The following ADAMTS18 variants were observed in gnomAD, a reference collection of about 807,000 sequenced individuals.
ADAMTS18 encodes A disintegrin and metalloproteinase with thrombospondin motifs 18.
Under a neutral mutation model 165.9 loss-of-function variants are expected in ADAMTS18, and 157 were observed. The ratio of observed to expected loss-of-function variants is 0.95; its 90% confidence interval spans 0.83 to 1.08. The LOEUF is 1.08. ADAMTS18 is among the 50% of genes least tolerant of loss of function. The pLI, the probability that ADAMTS18 is intolerant of heterozygous loss-of-function variation, is 0.00. For missense variants in ADAMTS18, 2,040 were observed against 1,534.0 expected (o/e 1.33, Z -5.51); for synonymous variants, 782 against 578.2 (o/e 1.35, Z -5.06).
At chr16:77,309,621 A>G (rs955562008) in intron 16 of ADAMTS18, among the ~76,000 whole-genome samples, 4 of 152,250 alleles carry the variant, frequency 2.6e-5, no homozygotes, top group African/African-American at 4.8e-5. Context: ...AAGACATCCT[A>G]TAAAGTTTTG....
intron 22 of ADAMTS18, among the ~76,000 whole-genome samples, chr16:77,285,892 T>G (rs1455994087): frequency 6.6e-6 from 1 of 152,140 alleles, no homozygotes; most frequent in Non-Finnish European, 1.5e-5. Flanking sequence ...CCTGGCAGAG[T>G]TGACAAGTCC....
intron 10 of ADAMTS18, among the ~76,000 whole-genome samples, chr16:77,343,682 T>C (rs1411131763): frequency 6.6e-6 from 1 of 152,172 alleles, no homozygotes; most frequent in Non-Finnish European, 1.5e-5. Context: ...CACTGATGGA[T>C]ATTGGAAGGC....
intron 22 of ADAMTS18, among the ~76,000 whole-genome samples, chr16:77,286,786 G>A (rs143238807): frequency 1.2e-4 from 19 of 152,220 alleles, no homozygotes; most frequent in African/African-American, 4.1e-4. Context: ...TTCCAGACAC[G>A]TAAACACCCA....
intron 3 of ADAMTS18, among the ~76,000 whole-genome samples, chr16:77,415,407 G>C (rs904967167): frequency 5.9e-4 from 90 of 152,250 alleles, no homozygotes; most frequent in African/African-American, 2.0e-3. Context: ...TTAATTTCAG[G>C]CATAGCTGCA....
intron 4 of ADAMTS18, among the ~76,000 whole-genome samples, chr16:77,364,983 G>C (rs2056772367): frequency 6.6e-6 from 1 of 152,098 alleles, no homozygotes; most frequent in Non-Finnish European, 1.5e-5. Context: ...GTGCATGCTT[G>C]TAATCCTAGC....
intron 3 of ADAMTS18, among the ~76,000 whole-genome samples, chr16:77,428,910 T>C (rs1003054575): frequency 6.6e-6 from 1 of 152,204 alleles, no homozygotes; most frequent in African/African-American, 2.4e-5. Context: ...TTCTTAGGCA[T>C]GTATCCAACA....
chr16:77,337,743 A>C (rs2144679032), intron 11 of ADAMTS18, among the ~76,000 whole-genome samples: 1 of 152,304 alleles, frequency 6.6e-6, no homozygotes, highest in South Asian at 2.1e-4. Context: ...TTAGGCTGCT[A>C]TCACACTGTC....
intron 10 of ADAMTS18, 69 bp from the exon 11 acceptor site, chr16:77,341,868 T>A: frequency 8.7e-7 from 1 of 1,148,942 alleles, no homozygotes; most frequent in Non-Finnish European, 1.3e-6. Context: ...TTCAAAGATG[T>A]TGTATATAAT....
Position 77,434,834 on chromosome 16 carries a change from A to C in ADAMTS18, c.-139T>G. The C allele has an allele frequency of 1.5e-6, 1 of 664,452 alleles. No homozygotes were observed. Among genetic ancestry groups the C allele is most frequent in the Non-Finnish European group, 2.2e-6 (1 of 465,018 alleles). The allele number at this position is 664,452 out of a possible 1,614,324, so 41.2% of individuals were successfully genotyped here. ...TGAGAGCCGCCGCCGTTCACATCGC[A>C]GCGGGGGCGCGCTGGGACCTCCCCT... On this transcript the variant is annotated 5_prime_UTR_variant, in exon 1 of 23. Transcript: ENST00000282849.
chr16:77,397,631 T>C (rs1351937278), intron 3 of ADAMTS18, among the ~76,000 whole-genome samples: 2 of 152,222 alleles, frequency 1.3e-5, no homozygotes, highest in African/African-American at 4.8e-5. Flanking sequence ...ATAGGATTTA[T>C]ACAAAAAAAG....
chr16:77,364,324 G>A lies in ADAMTS18; in HGVS notation c.836C>T (p.Ser279Phe), dbSNP rs369167381. ...TYLRFDEYGS[S>F]GRPRRSAGKS... ...TCCAGCTGATCTTCTGGGTCGCCCA[G>A]AGCTCCCATATTCATCAAACCTTAG... The change falls in exon 5 of 23, where the codon TCT becomes TTT. Residue 279 changes from serine (S) to phenylalanine (F), a missense_variant. Ser to Phe is a radical substitution (Grantham distance 155, BLOSUM62 -2). Coordinates refer to ENST00000282849, the MANE Select transcript of ADAMTS18 (RefSeq NM_199355.4). 6 of 1,613,768 alleles carry A rather than the reference G, an allele frequency of 3.7e-6. No individual in the cohort carries two copies. Among genetic ancestry groups the A allele is most frequent in the African/African-American group, 2.7e-5 (2 of 74,820 alleles).
At chr16:77,315,290 T>C (rs2055867223) in intron 16 of ADAMTS18, among the ~76,000 whole-genome samples, 1 of 152,188 alleles carries the variant, frequency 6.6e-6, no homozygotes, top group African/African-American at 2.4e-5. Flanking sequence ...TCTGATTGCC[T>C]CCACAGAGGG....
At chr16:77,360,334 A>T (rs2056694356) in intron 7 of ADAMTS18, among the ~76,000 whole-genome samples, 1 of 152,216 alleles carries the variant, frequency 6.6e-6, no homozygotes, top group South Asian at 2.1e-4. Context: ...AGCTTAGGAA[A>T]CCAAAGCTCA....
intron 10 of ADAMTS18, among the ~76,000 whole-genome samples, chr16:77,352,677 AGAG>A (rs1345107237): frequency 6.6e-6 from 1 of 152,106 alleles, no homozygotes; most frequent in South Asian, 2.1e-4. Flanking sequence ...AGGGAGAGAA[AGAG>A]GAGGAAGAAG....
chr16:77,434,975 G>A lies in ADAMTS18; in HGVS notation c.-280C>T, dbSNP rs2057779799. ...GGCCGGGACTGGAGCGCAAACGGTT[G>A]GGAGACTGTCGGTGTCTGCCCGCCC... is the stretch of plus-strand genomic sequence containing the variant. On this transcript the variant is annotated 5_prime_UTR_variant, in exon 1 of 23. Transcript: ENST00000282849. The A allele has an allele frequency of 3.3e-6, 1 of 306,598 alleles. No homozygotes were observed. Among genetic ancestry groups the A allele is most frequent in the Non-Finnish European group, 5.9e-6 (1 of 168,256 alleles). 19.0% of individuals were successfully genotyped at this position (306,598 alleles called of 1,614,324 possible).
At chr16:77,413,123 C>A (rs527623914) in intron 3 of ADAMTS18, among the ~76,000 whole-genome samples, 1 of 152,238 alleles carries the variant, frequency 6.6e-6, no homozygotes, top group African/African-American at 2.4e-5. Context: ...ATCCTAGCAA[C>A]AAGAATAGAC....
At chr16:77,379,419 A>C (rs918035524) in intron 3 of ADAMTS18, among the ~76,000 whole-genome samples, 1 of 152,216 alleles carries the variant, frequency 6.6e-6, no homozygotes, top group Non-Finnish European at 1.5e-5. Flanking sequence ...GACTTTATGG[A>C]GAATGTGGCA....
chr16:77,387,544 T>G (rs2057126524), intron 3 of ADAMTS18, among the ~76,000 whole-genome samples: 1 of 152,166 alleles, frequency 6.6e-6, no homozygotes, highest in African/African-American at 2.4e-5. Flanking sequence ...TCACTGCAAA[T>G]TACTCCATAT....
intron 3 of ADAMTS18, among the ~76,000 whole-genome samples, chr16:77,370,213 T>C (rs752060849): frequency 6.6e-6 from 1 of 152,152 alleles, no homozygotes; most frequent in Non-Finnish European, 1.5e-5. Context: ...CTATTCTACA[T>C]AGTACTGGAA....
Sources: gnomAD v4.1 joint callset for allele counts (sites outside exome capture counted in the v4.1 genomes callset) on GRCh38, gnomAD v4.1.1 for gene constraint, MANE v1.5 for transcripts, NCBI Gene and HGNC (gene_info 2026-07-23, HGNC 2026-07-21) for gene names.